The following KDM3A variants were observed in gnomAD, a reference collection of about 807,000 sequenced individuals.
KDM3A encodes lysine-specific demethylase 3A.
A neutral mutation model predicts 158.0 loss-of-function variants in KDM3A; 60 were observed. The observed-to-expected ratio is 0.38, with a 90% CI of 0.31 to 0.47. KDM3A has a LOEUF of 0.47. KDM3A is among the 20% of genes least tolerant of loss of function. The pLI is 0.99. For synonymous variants in KDM3A, 608 were observed against 549.3 expected (o/e 1.11, Z -1.49); for missense variants, 1,319 against 1,574.3 (o/e 0.84, Z 2.74).
chr2:86,455,939 G>A (rs1261760974), intron 5 of KDM3A, among the ~76,000 whole-genome samples: 2 of 132,734 alleles, frequency 1.5e-5, no homozygotes, highest in African/African-American at 2.9e-5. Context: ...CTGGGTGAGA[G>A]CAAGACCCTG....
intron 21 of KDM3A, 44 bp downstream of exon 21, chr2:86,485,903 C>T (rs373879990): frequency 6.3e-7 from 1 of 1,583,656 alleles, no homozygotes; most frequent in African/African-American, 1.3e-5. Context: ...TAAAACAATT[C>T]AAAATGTTTG....
rs62150267 is a variant in KDM3A at position 86,457,918 on chromosome 2, C to T, written c.843+847C>T. Reference sequence around the variant, plus strand: ...GAAATAGTTACCATTTGGACCGAGACTATTTCTCTTTTAGGTGAATTAAAT... The same window carrying T: ...GAAATAGTTACCATTTGGACCGAGATTATTTCTCTTTTAGGTGAATTAAAT... On this transcript the variant is annotated intron_variant, in intron 8 of 25. Coordinates refer to ENST00000312912, the MANE Select transcript of KDM3A (RefSeq NM_018433.6). 9.5e-3 allele frequency among the ~76,000 whole-genome samples: 1,450 copies of T among 152,252 alleles called. 7 individuals carry two copies. Among genetic ancestry groups the T allele is most frequent in the Non-Finnish European group, 0.015 (1,014 of 68,016 alleles).
chr2:86,470,607 G>A (rs1443283788), intron 11 of KDM3A, among the ~76,000 whole-genome samples, 199 bp downstream of exon 11: 1 of 152,074 alleles, frequency 6.6e-6, no homozygotes, highest in Non-Finnish European at 1.5e-5. Flanking sequence ...TTTTTTTAAA[G>A]TAACAAAGCT....
At chr2:86,477,234 G>C (rs1673699938) in intron 12 of KDM3A, among the ~76,000 whole-genome samples, 1 of 152,192 alleles carries the variant, frequency 6.6e-6, no homozygotes, top group African/African-American at 2.4e-5. Flanking sequence ...TTAGTCCTGG[G>C]TGCCTGCATC....
At chr2:86,478,065 C>T in intron 13 of KDM3A, 36 bp downstream of exon 13, 2 of 1,613,398 alleles carry the variant, frequency 1.2e-6, no homozygotes, top group South Asian at 1.1e-5. Context: ...AGCCCCTCTA[C>T]ACAGTTAAAT....
chr2:86,458,572 T>C (rs1009031232), intron 8 of KDM3A, among the ~76,000 whole-genome samples: 30 of 152,254 alleles, frequency 2.0e-4, no homozygotes, highest in African/African-American at 7.0e-4. Context: ...TCAGATTCCA[T>C]AGGATAGTGA....
Position 86,456,967 on chromosome 2 carries a change from T to G in KDM3A, c.755-16T>G, listed in dbSNP as rs746369704. 32 of 1,587,012 alleles carry G rather than the reference T, an allele frequency of 2.0e-5. No individual in the cohort carries two copies. The highest frequency in any genetic ancestry group is 2.8e-5 in the Non-Finnish European group (32 of 1,160,000). On this transcript the variant is annotated splice_polypyrimidine_tract_variant and intron_variant, in intron 7 of 25. Coordinates refer to ENST00000312912, the MANE Select transcript of KDM3A (RefSeq NM_018433.6). ...GAAACAGGGAAGCCAACTTAACCTA[T>G]TTTTAAATATTTTAGGTAATTCTGC...
chr2:86,470,525 T>G (rs940006639), intron 11 of KDM3A, 117 bp downstream of exon 11: 5 of 779,986 alleles, frequency 6.4e-6, no homozygotes, highest in Non-Finnish European at 1.0e-5. Flanking sequence ...AGGTGGTAGA[T>G]GTTGCATTTA....
intron 2 of KDM3A, among the ~76,000 whole-genome samples, chr2:86,444,968 AT>A (rs1375522032): frequency 2.6e-5 from 4 of 152,242 alleles, no homozygotes; most frequent in East Asian, 1.9e-4. Context: ...CAAAGAAAAA[AT>A]AATCATTAAA....
chr2:86,475,015 G>T (rs1435194270), intron 12 of KDM3A, 25 bp downstream of exon 12: 1 of 1,579,538 alleles, frequency 6.3e-7, no homozygotes, highest in South Asian at 1.1e-5. Context: ...TAGGGGGTAG[G>T]ATTTTCGAGC....
At chr2:86,442,805 T>A (rs753733632) in intron 2 of KDM3A, among the ~76,000 whole-genome samples, 72 of 151,870 alleles carry the variant, frequency 4.7e-4, no homozygotes, top group Non-Finnish European at 8.4e-4. Flanking sequence ...GATGAGCCGG[T>A]GGGTGGGTGT....
chr2:86,477,417 T>A (rs1458274679), intron 12 of KDM3A, among the ~76,000 whole-genome samples: 2 of 152,318 alleles, frequency 1.3e-5, no homozygotes, highest in Non-Finnish European at 2.9e-5. Context: ...TGATACTCAG[T>A]GCAGATTACT....
At chr2:86,444,092 A>G (rs1682853876) in intron 2 of KDM3A, among the ~76,000 whole-genome samples, 1 of 152,126 alleles carries the variant, frequency 6.6e-6, no homozygotes. Flanking sequence ...TCTAGGAGGA[A>G]CTTCACATGT....
At chr2:86,479,573 A>G (rs1558626639) in intron 15 of KDM3A, 1 of 131,936 alleles carries the variant, frequency 7.6e-6, no homozygotes, top group Non-Finnish European at 1.7e-5. Context: ...GGACCACAAC[A>G]GGGGTTTGAA....
intron 8 of KDM3A, among the ~76,000 whole-genome samples, chr2:86,459,639 G>A (rs906782729): frequency 6.6e-6 from 1 of 152,302 alleles, no homozygotes; most frequent in African/African-American, 2.4e-5. Flanking sequence ...GAGTGTGTCA[G>A]CAATGAGAAA....
intron 2 of KDM3A, among the ~76,000 whole-genome samples, chr2:86,445,086 G>A (rs938089752): frequency 6.6e-5 from 10 of 152,100 alleles, no homozygotes; most frequent in Non-Finnish European, 1.3e-4. Flanking sequence ...AATAACTTGA[G>A]TTTGTCTCCA....
chr2:86,458,808 G>C (rs1318061226), intron 8 of KDM3A, among the ~76,000 whole-genome samples: 4 of 152,118 alleles, frequency 2.6e-5, no homozygotes, highest in African/African-American at 4.8e-5. Flanking sequence ...AGATGAAGAG[G>C]GGGTGTCTGG....
At chr2:86,469,648 T>G (rs1424406661) in intron 10 of KDM3A, among the ~76,000 whole-genome samples, 2 of 152,182 alleles carry the variant, frequency 1.3e-5, no homozygotes, top group Non-Finnish European at 2.9e-5. Flanking sequence ...AGGGGAGACA[T>G]GTCAGGAGTC....
chr2:86,439,221 A>C (rs549082832), upstream of KDM3A, among the ~76,000 whole-genome samples: 1 of 152,146 alleles, frequency 6.6e-6, no homozygotes, highest in African/African-American at 2.4e-5. Flanking sequence ...TTTAGCCCTA[A>C]GGTGAATATA....
Sources: allele counts gnomAD v4.1 joint callset (sites outside exome capture counted in the v4.1 genomes callset), GRCh38; gene constraint gnomAD v4.1.1; transcripts MANE v1.5; gene names NCBI Gene and HGNC (gene_info 2026-07-23, HGNC 2026-07-21).